The following CORO2B variants were observed in gnomAD, a reference collection of about 807,000 sequenced individuals.
CORO2B encodes the protein coronin 2B, also known as coronin-2B.
In CORO2B, 26 loss-of-function variants were observed where a neutral mutation model predicts 58.8. That is an observed-to-expected ratio of 0.44 (90% confidence interval 0.32 to 0.61). CORO2B has a LOEUF of 0.61. Ranked by LOEUF, CORO2B falls within the 20% of genes least tolerant of loss-of-function variation. The pLI is 0.04. For synonymous variants in CORO2B, 242 were observed against 253.8 expected (o/e 0.95, Z 0.44); for missense variants, 460 against 645.1 (o/e 0.71, Z 3.11).
chr15:68,705,239 A>T (rs1340046090), intron 3 of CORO2B, among the ~76,000 whole-genome samples: 1 of 152,128 alleles, frequency 6.6e-6, no homozygotes, highest in East Asian at 1.9e-4. Context: ...GGAGTTCGAG[A>T]CCAGCCTGGC....
intron 2 of CORO2B, among the ~76,000 whole-genome samples, chr15:68,657,135 C>T (rs1052641859): frequency 1.3e-5 from 2 of 152,058 alleles, no homozygotes; most frequent in Middle Eastern, 3.2e-3. Flanking sequence ...AGGGATAGAT[C>T]CTTTTGGCAG....
At chr15:68,610,276 G>A (rs971942204) in intron 1 of CORO2B, among the ~76,000 whole-genome samples, 3 of 152,088 alleles carry the variant, frequency 2.0e-5, no homozygotes, top group Non-Finnish European at 2.9e-5. Flanking sequence ...CTAGCGCCTC[G>A]CCTCGTTTAC....
At chr15:68,521,767 T>A in the CORO2B span, among the ~76,000 whole-genome samples, 94 of 152,030 alleles carry the variant, frequency 6.2e-4, 1 homozygote, top group African/African-American at 2.2e-3. Context: ...TTTTTGTTTT[T>A]TTTTTTCTTT....
the CORO2B span, among the ~76,000 whole-genome samples, chr15:68,528,947 G>A: frequency 6.6e-6 from 1 of 152,122 alleles, no homozygotes; most frequent in Admixed American, 6.5e-5. Context: ...ATAAATTCAT[G>A]CATTTATTTC....
At chr15:68,722,385 A>C (rs1456019464) in intron 11 of CORO2B, among the ~76,000 whole-genome samples, 1 of 152,202 alleles carries the variant, frequency 6.6e-6, no homozygotes, top group Non-Finnish European at 1.5e-5. Flanking sequence ...TCATCGTAGC[A>C]GTTCGGAAGC....
the CORO2B span, among the ~76,000 whole-genome samples, chr15:68,555,877 G>A: frequency 1.3e-5 from 2 of 152,184 alleles, no homozygotes; most frequent in African/African-American, 4.8e-5. Context: ...ACTTCAAGAT[G>A]AGCAGGGCCA....
upstream of CORO2B, among the ~76,000 whole-genome samples, chr15:68,577,058 A>G (rs1015004407): frequency 6.6e-6 from 1 of 152,152 alleles, no homozygotes; most frequent in African/African-American, 2.4e-5. Context: ...CCTGGCAGGC[A>G]AGCAACGTGG....
At chr15:68,694,366 T>G (rs1892458943) in intron 2 of CORO2B, among the ~76,000 whole-genome samples, 2 of 152,236 alleles carry the variant, frequency 1.3e-5, no homozygotes, top group Admixed American at 1.3e-4. Flanking sequence ...GACATTGCTA[T>G]TCTCATTTTA....
At chr15:68,663,239 T>C (rs1902073534) in intron 2 of CORO2B, among the ~76,000 whole-genome samples, 1 of 152,256 alleles carries the variant, frequency 6.6e-6, no homozygotes. Context: ...TCCTTGCTCA[T>C]TTTTATAGCT....
chr15:68,677,628 A>G (rs762619037), intron 2 of CORO2B, among the ~76,000 whole-genome samples: 2 of 152,224 alleles, frequency 1.3e-5, no homozygotes, highest in Admixed American at 1.3e-4. Flanking sequence ...CTCCATGGGC[A>G]GGAAGAAAAT....
chr15:68,519,467 G>A, the CORO2B span, among the ~76,000 whole-genome samples: 7 of 152,096 alleles, frequency 4.6e-5, no homozygotes, highest in African/African-American at 1.4e-4. Context: ...TTTAGAAGGT[G>A]CACTCATACC....
In CORO2B at chr15:68,710,800, C is replaced by A. The variant is rs370887038; in HGVS notation, c.402C>A (p.His134Gln). 1.2e-6 allele frequency: 2 copies of A among 1,612,070 alleles called. No homozygotes were observed. The highest frequency in any genetic ancestry group is 2.7e-5 in the African/African-American group (2 of 74,924). ...RNMTEALLEL[H>Q]GHSRRVGLVE... is the part of the protein sequence containing the mutation. ...TGACGGAGGCGCTCCTGGAGCTGCA[C>A]GGGCACAGCCGGCGTGTGGGGCTGG... The change falls in exon 4 of 12, where the codon CAC (histidine) becomes CAA (glutamine). Residue 134 changes from histidine (H) to glutamine (Q), a missense_variant. His to Gln is a conservative substitution (Grantham distance 24). This residue lies in a region of CORO2B where 352 missense variants were observed against 543.0 expected (regional missense o/e 0.65). Transcript: ENST00000261861. The surrounding 1 kb of genome is among the most constrained non-coding windows in gnomAD (Gnocchi z 4.1).
intron 1 of CORO2B, among the ~76,000 whole-genome samples, chr15:68,605,711 G>GGTT (rs1900095113): frequency 1.0e-5 from 1 of 99,094 alleles, no homozygotes; most frequent in Admixed American, 1.1e-4. Flanking sequence ...GGGCTCTTGG[G>GGTT]TTTTTTTTTT....
intron 3 of CORO2B, among the ~76,000 whole-genome samples, chr15:68,705,259 G>A (rs571575354): frequency 2.0e-5 from 3 of 152,178 alleles, no homozygotes; most frequent in South Asian, 4.1e-4. Context: ...CCAACATGGC[G>A]AAACCTTATC....
At chr15:68,648,468 A>G (rs1901528061) in intron 2 of CORO2B, among the ~76,000 whole-genome samples, 1 of 152,040 alleles carries the variant, frequency 6.6e-6, no homozygotes, top group Non-Finnish European at 1.5e-5. Context: ...AACATGGTGA[A>G]ACCCTATCTC....
chr15:68,665,181 CT>C (rs1271590137), intron 2 of CORO2B, among the ~76,000 whole-genome samples: 8 of 152,106 alleles, frequency 5.3e-5, no homozygotes, highest in Admixed American at 3.3e-4. Flanking sequence ...TATAGATTAA[CT>C]TTTTTTCCCC....
chr15:68,674,212 C>T (rs1567004312), intron 2 of CORO2B, among the ~76,000 whole-genome samples: 1 of 152,154 alleles, frequency 6.6e-6, no homozygotes, highest in Non-Finnish European at 1.5e-5. Flanking sequence ...GCACAGCTTT[C>T]CTGCTTGGCC....
chr15:68,698,038 T>G (rs984405247), intron 3 of CORO2B, among the ~76,000 whole-genome samples: 1 of 152,154 alleles, frequency 6.6e-6, no homozygotes, highest in Admixed American at 6.5e-5. Flanking sequence ...AACTCAGGGC[T>G]GCTCCTCTAC....
intron 2 of CORO2B, among the ~76,000 whole-genome samples, chr15:68,647,204 G>A (rs548326986): frequency 6.6e-6 from 1 of 152,278 alleles, no homozygotes; most frequent in East Asian, 1.9e-4. Flanking sequence ...TCCTAAGAAA[G>A]CCAGGAATCC....
Sources: allele counts gnomAD v4.1 joint callset (sites outside exome capture counted in the v4.1 genomes callset), GRCh38; gene constraint gnomAD v4.1.1; regional missense constraint gnomAD v4.1.1; non-coding constraint Gnocchi (gnomAD v3.1); transcripts MANE v1.5; gene names NCBI Gene and HGNC (gene_info 2026-07-23, HGNC 2026-07-21).